The following MYO9A variants were observed in gnomAD, a reference collection of about 807,000 sequenced individuals.
MYO9A encodes the protein myosin IXA, also known as unconventional myosin-IXa.
Under a neutral mutation model 293.3 loss-of-function variants are expected in MYO9A, and 103 were observed. That is an observed-to-expected ratio of 0.35 (90% CI 0.30 to 0.41). The LOEUF is 0.41. Among genes scored for constraint, MYO9A ranks in the 10% least tolerant of loss-of-function variants. MYO9A has a pLI of 1.00. For synonymous variants in MYO9A, 1,001 were observed against 1,035.7 expected (o/e 0.97, Z 0.64); for missense variants, 2,685 against 3,033.0 (o/e 0.89, Z 2.69).
At chr15:72,060,033 CTT>C in intron 1 of MYO9A, among the ~76,000 whole-genome samples, 1 of 152,328 alleles carries the variant, frequency 6.6e-6, no homozygotes, top group East Asian at 1.9e-4. Context: ...CTCCCACAGT[CTT>C]TGAGGCGAAT....
In MYO9A at chr15:71,850,077, A is replaced by G. The variant is rs767785102; in HGVS notation, c.6672T>C (p.Thr2224=). Residue 2224 remains threonine (T), a synonymous_variant, in exon 38 of 42, where the codon ACT becomes ACC. Coordinates refer to ENST00000356056, the MANE Select transcript of MYO9A (RefSeq NM_006901.4). ...APCILRCPDT[T]DPLQSVQDIS... ...TGTCCTGTACACTTTGTAGTGGGTC[A>G]GTGGTGTCAGGGCAGCGGAGAATGC... 9.3e-6 allele frequency: 15 copies of G among 1,613,996 alleles called. No individual in the cohort carries two copies. In the African/African-American group the frequency reaches 1.9e-4, roughly 20 times the overall value.
At chr15:72,039,593 G>T (rs146233142) in intron 2 of MYO9A, among the ~76,000 whole-genome samples, 22 of 151,616 alleles carry the variant, frequency 1.5e-4, no homozygotes, top group African/African-American at 5.3e-4. Context: ...CACTTTAAGA[G>T]GCTGAGGTGG....
At chr15:72,012,775 T>G (rs898269320) in intron 6 of MYO9A, among the ~76,000 whole-genome samples, 11 of 152,196 alleles carry the variant, frequency 7.2e-5, no homozygotes, top group Non-Finnish European at 1.2e-4. Context: ...CTTCCACATG[T>G]GTCAATAATG....
At chr15:71,966,500 G>A (rs1179264999) in intron 13 of MYO9A, among the ~76,000 whole-genome samples, 1 of 151,980 alleles carries the variant, frequency 6.6e-6, no homozygotes, top group Non-Finnish European at 1.5e-5. Context: ...TTAAACTATA[G>A]TCTTAATTTC....
intron 12 of MYO9A, among the ~76,000 whole-genome samples, chr15:71,973,614 T>C (rs1274249841): frequency 6.6e-6 from 1 of 152,080 alleles, no homozygotes; most frequent in Non-Finnish European, 1.5e-5. Flanking sequence ...ATTGCCCAAC[T>C]TTCCCTAGAA....
intron 2 of MYO9A, among the ~76,000 whole-genome samples, chr15:72,043,471 T>C (rs954411725): frequency 7.9e-5 from 12 of 152,122 alleles, no homozygotes; most frequent in South Asian, 4.1e-4. Flanking sequence ...ATCTAAAAAA[T>C]TGTGATATCC....
Position 71,852,277 on chromosome 15 carries a change from GTT to G in MYO9A, c.6347-19_6347-18del. On this transcript the variant is annotated intron_variant, in intron 35 of 41. Transcript: ENST00000356056. ...TCTCAGCATCTATTTAGAGACAAGA[GTT>G]AGATTAACAGAGCCAAAACATGCAA... 1 of 1,573,520 alleles carries G rather than the reference GTT, an allele frequency of 6.4e-7. No homozygotes were observed. Among genetic ancestry groups the G allele is most frequent in the South Asian group, 1.1e-5 (1 of 88,206 alleles).
chr15:72,042,068 A>T (rs2078243492), intron 2 of MYO9A, among the ~76,000 whole-genome samples: 1 of 151,590 alleles, frequency 6.6e-6, no homozygotes, highest in Non-Finnish European at 1.5e-5. Flanking sequence ...CGAGGAGAAA[A>T]GACTTCCCAA....
chr15:72,103,305 CAGAAGCAGCAGCA>C (rs2080433849), intron 1 of MYO9A, among the ~76,000 whole-genome samples: 2 of 134,454 alleles, frequency 1.5e-5, no homozygotes, highest in African/African-American at 2.8e-5. Context: ...GCAGCAGAAG[CAGAAGCAGCAGCA>C]AGCAGCAGCA....
intron 18 of MYO9A, among the ~76,000 whole-genome samples, chr15:71,930,471 T>C (rs2058445325): frequency 6.6e-6 from 1 of 152,204 alleles, no homozygotes; most frequent in African/African-American, 2.4e-5. Context: ...CTTTATCTCA[T>C]CTACAGTTTT....
At chr15:72,081,772 T>C (rs964186128) in intron 1 of MYO9A, among the ~76,000 whole-genome samples, 3 of 152,226 alleles carry the variant, frequency 2.0e-5, no homozygotes, top group Non-Finnish European at 4.4e-5. Flanking sequence ...TAGCCAGTTA[T>C]CCCAGCACCA....
At chr15:71,894,500 C>T (rs1413878688) in intron 25 of MYO9A, among the ~76,000 whole-genome samples, 1 of 152,068 alleles carries the variant, frequency 6.6e-6, no homozygotes, top group African/African-American at 2.4e-5. Context: ...TCACTTGAAC[C>T]CAGGAGGCAG....
intron 1 of MYO9A, chr15:72,117,237 G>A (rs544266203): frequency 6.6e-6 from 1 of 152,378 alleles, no homozygotes; most frequent in African/African-American, 2.4e-5. Context: ...GCTTGGTGAT[G>A]AGCGAGCTGG....
intron 18 of MYO9A, among the ~76,000 whole-genome samples, chr15:71,922,336 T>A (rs2058178100): frequency 6.6e-6 from 1 of 152,204 alleles, no homozygotes; most frequent in Non-Finnish European, 1.5e-5. Flanking sequence ...TCATCTTTTT[T>A]AAAATGATGA....
chr15:71,859,973 G>A (rs1047391861), intron 33 of MYO9A, among the ~76,000 whole-genome samples, 177 bp from the exon 34 acceptor site: 3 of 152,068 alleles, frequency 2.0e-5, no homozygotes, highest in Non-Finnish European at 4.4e-5. Context: ...CCATTCTATT[G>A]GGTATAATGA....
intron 12 of MYO9A, among the ~76,000 whole-genome samples, chr15:71,976,814 A>G (rs1249193813): frequency 6.6e-6 from 1 of 152,232 alleles, no homozygotes; most frequent in African/African-American, 2.4e-5. Context: ...GGTCAGAGTG[A>G]CACTAAACTG....
chr15:72,071,342 G>C (rs1377934007), intron 1 of MYO9A, among the ~76,000 whole-genome samples: 1 of 152,084 alleles, frequency 6.6e-6, no homozygotes, highest in Non-Finnish European at 1.5e-5. Context: ...AAACCACAGA[G>C]ATATCATCTC....
Position 71,893,733 on chromosome 15 carries a change from T to C in MYO9A, c.5088A>G (p.Lys1696=). 1.2e-6 allele frequency: 2 copies of C among 1,614,044 alleles called. No homozygotes were observed. Among genetic ancestry groups the C allele is most frequent in the Non-Finnish European group, 1.7e-6 (2 of 1,179,950 alleles). Residue 1696 remains lysine, a synonymous_variant, in exon 26 of 42, where the codon AAA becomes AAG. Coordinates refer to ENST00000356056, the MANE Select transcript of MYO9A (RefSeq NM_006901.4). The part of the protein sequence containing the change: ...ALNSKNPQLH[K]EDEPAWKPVK... ...CAGGTTTCCATGCTGGTTCATCTTC[T>C]TTATGGAGTTGAGGATTTTTACTGT...
In MYO9A at chr15:71,897,893, C is replaced by T. The variant is rs758833114; in HGVS notation, c.4610G>A (p.Arg1537Lys). The change falls in exon 25 of 42, where the codon AGA (arginine) becomes AAA (lysine). Residue 1537 changes from arginine (R) to lysine (K), a missense_variant. By Grantham distance (26) the Arg-to-Lys change is conservative. Coordinates refer to ENST00000356056, the MANE Select transcript of MYO9A (RefSeq NM_006901.4). ...TGGTGCCACCAAACACTCTCCAATTCTTGGCTTTTCAATTGTCTTGAAGGC... is the reference window on the plus strand; with the variant it reads ...TGGTGCCACCAAACACTCTCCAATTTTTGGCTTTTCAATTGTCTTGAAGGC... Reference protein sequence around the residue: ...RKAFKTIEKPRIGECLVAPSS... With the variant: ...RKAFKTIEKPKIGECLVAPSS... 1 of 1,614,112 alleles carries T rather than the reference C, an allele frequency of 6.2e-7. No homozygotes were observed. The highest frequency in any genetic ancestry group is 8.5e-7 in the Non-Finnish European group (1 of 1,180,022).
Sources: gnomAD v4.1 joint callset for allele counts (sites outside exome capture counted in the v4.1 genomes callset) on GRCh38, gnomAD v4.1.1 for gene constraint, MANE v1.5 for transcripts, NCBI Gene and HGNC (gene_info 2026-07-23, HGNC 2026-07-21) for gene names.